The following CRYL1 variants were observed in gnomAD, a reference collection of about 807,000 sequenced individuals.
CRYL1 encodes the protein lambda-crystallin homolog.
CRYL1 carries 29 observed loss-of-function variants against 36.6 expected under a neutral mutation model. That is an observed-to-expected ratio of 0.79 (90% CI 0.59 to 1.08). The LOEUF is 1.08. CRYL1 is among the 50% of genes least tolerant of loss of function. CRYL1 has a pLI of 0.00. For missense variants in CRYL1, 411 were observed against 407.9 expected (o/e 1.01, Z -0.06); for synonymous variants, 152 against 151.5 (o/e 1.00, Z -0.02).
chr13:20,479,879 G>C (rs552848319), intron 3 of CRYL1, among the ~76,000 whole-genome samples: 85 of 152,332 alleles, frequency 5.6e-4, no homozygotes, highest in African/African-American at 1.9e-3. Flanking sequence ...AGACAGGGAT[G>C]CTGGGGCTGC....
At chr13:20,483,371 G>A (rs997624820) in intron 3 of CRYL1, among the ~76,000 whole-genome samples, 8 of 151,552 alleles carry the variant, frequency 5.3e-5, no homozygotes, top group Admixed American at 5.3e-4. Flanking sequence ...ACTCTGTCGC[G>A]CAGGCTGGAG....
rs1195461658 is a variant in CRYL1, at chr13:20,470,923, AAAAC to A, written c.276+18443_276+18446del. On this transcript the variant is annotated intron_variant, in intron 3 of 7. Transcript: ENST00000298248. ...AAAACTCCATCTCAAAAAAAAAAAA[AAAAC>A]AAAAAAAAAAACCCATGACACACAT... Among the ~76,000 whole-genome samples the A allele has an allele frequency of 6.0e-5, 9 of 150,440 alleles. 1 individual carries two copies. The highest frequency in any genetic ancestry group is 2.2e-4 in the African/African-American group (9 of 40,476).
chr13:20,410,855 C>G (rs1275276856), intron 6 of CRYL1, among the ~76,000 whole-genome samples: 1 of 152,192 alleles, frequency 6.6e-6, no homozygotes, highest in Non-Finnish European at 1.5e-5. Context: ...CAAGGTTATA[C>G]AGCCAGTAGG....
chr13:20,514,643 G>A (rs2033969307), intron 1 of CRYL1, among the ~76,000 whole-genome samples: 1 of 152,086 alleles, frequency 6.6e-6, no homozygotes, highest in African/African-American at 2.4e-5. Context: ...TGTTGGTCAT[G>A]AATAGCCAAT....
At chr13:20,472,274 C>T (rs1026189966) in intron 3 of CRYL1, among the ~76,000 whole-genome samples, 5 of 152,262 alleles carry the variant, frequency 3.3e-5, no homozygotes, top group African/African-American at 1.2e-4. Flanking sequence ...AGTGTAAATG[C>T]TATGTATATA....
intron 3 of CRYL1, among the ~76,000 whole-genome samples, chr13:20,449,669 G>C (rs974294747): frequency 4.0e-5 from 6 of 151,854 alleles, no homozygotes; most frequent in Admixed American, 3.3e-4. Flanking sequence ...ATTCACTGAT[G>C]ATATTCTTCT....
chr13:20,509,699 G>A (rs1432810357), intron 2 of CRYL1, among the ~76,000 whole-genome samples: 3 of 152,048 alleles, frequency 2.0e-5, no homozygotes, highest in Non-Finnish European at 4.4e-5. Context: ...AGGCCGAGGC[G>A]GGTGGATCAC....
At chr13:20,458,276 C>T (rs1209665661) in intron 3 of CRYL1, among the ~76,000 whole-genome samples, 1 of 152,154 alleles carries the variant, frequency 6.6e-6, no homozygotes, top group African/African-American at 2.4e-5. Flanking sequence ...CCACAATAGA[C>T]TTCTCTGGGC....
chr13:20,474,020 A>G (rs1321227590), intron 3 of CRYL1, among the ~76,000 whole-genome samples: 2 of 152,102 alleles, frequency 1.3e-5, no homozygotes, highest in East Asian at 3.8e-4. Context: ...TTCTCTGAAG[A>G]AGGGGATTCC....
At chr13:20,457,878 G>A (rs1278852154) in intron 3 of CRYL1, among the ~76,000 whole-genome samples, 5 of 152,164 alleles carry the variant, frequency 3.3e-5, no homozygotes, top group Admixed American at 2.0e-4. Context: ...AGGGTGAAAC[G>A]GAAGCACAGA....
rs1480263935 is a variant in CRYL1 at position 20,435,539 on chromosome 13, G to A, written c.439-3243C>T. Among the ~76,000 whole-genome samples the A allele has an allele frequency of 1.3e-5, 2 of 152,208 alleles. No individual in the cohort carries two copies. The highest frequency in any genetic ancestry group is 2.4e-5 in the African/African-American group (1 of 41,464). ...AGAGGTCAATCTTGTCAATAAGGTC[G>A]GGTGCCCCTTGAATTTACCACAGTA... On this transcript the variant is annotated intron_variant, in intron 4 of 7. Transcript: ENST00000298248. The surrounding 1 kb of genome is among the most constrained non-coding windows in gnomAD (Gnocchi z 4.0).
Position 20,525,590 on chromosome 13 carries a change from GC to G in CRYL1, c.41+163del, listed in dbSNP as rs2034176453. On this transcript the variant is annotated intron_variant, in intron 1 of 7. Coordinates refer to ENST00000298248, the MANE Select transcript of CRYL1 (RefSeq NM_015974.3). This position sits in a 1 kb window ranked among gnomAD's most constrained non-coding sequence, Gnocchi z 4.3. Reference sequence around the variant, plus strand: ...CCCCTCCAGCCGCGCCTCTCCCCGAGCCCGCCAGCGCCGTAGGGGCCGCAGG... The same window carrying G: ...CCCCTCCAGCCGCGCCTCTCCCCGAGCCGCCAGCGCCGTAGGGGCCGCAGG... Among the ~76,000 whole-genome samples, 1 of 152,096 alleles carries G rather than the reference GC, an allele frequency of 6.6e-6. No individual in the cohort carries two copies.
At chr13:20,524,059 A>C (rs2137527713) in intron 1 of CRYL1, among the ~76,000 whole-genome samples, 1 of 152,302 alleles carries the variant, frequency 6.6e-6, no homozygotes, top group East Asian at 1.9e-4. Context: ...AAGACCAACC[A>C]GGGCAAGATG....
chr13:20,424,259 A>G lies in CRYL1; in HGVS notation c.633+7843T>C, dbSNP rs2031884807. 2.0e-5 allele frequency among the ~76,000 whole-genome samples: 3 copies of G among 152,208 alleles called. No homozygotes were observed. The South Asian group carries it at 6.2e-4, about 31-fold the overall frequency. ...CTGGTCCTAGCAACGTGGGTGATGT[A>G]TCCGCTCTAACGACCCTGCAGTCCC... On this transcript the variant is annotated intron_variant, in intron 5 of 7. Transcript: ENST00000298248.
chr13:20,445,004 C>T (rs2032424871), intron 3 of CRYL1, among the ~76,000 whole-genome samples: 1 of 152,174 alleles, frequency 6.6e-6, no homozygotes, highest in South Asian at 2.1e-4. Flanking sequence ...AGGAGTGAGC[C>T]TGTAACAAAT....
At chr13:20,431,676 A>T in intron 5 of CRYL1, 1 of 1,106,392 alleles carries the variant, frequency 9.0e-7, no homozygotes, top group Non-Finnish European at 1.1e-6. Context: ...CTTCTTCCTC[A>T]AGCTCTTGAA....
chr13:20,432,791 A>G (rs1244118556), intron 4 of CRYL1, among the ~76,000 whole-genome samples: 1 of 152,102 alleles, frequency 6.6e-6, no homozygotes, highest in Non-Finnish European at 1.5e-5. Context: ...GTCGAGGTGG[A>G]GGGATCACTT....
At chr13:20,505,255 G>A (rs1275100730) in intron 2 of CRYL1, among the ~76,000 whole-genome samples, 1 of 151,504 alleles carries the variant, frequency 6.6e-6, no homozygotes, top group African/African-American at 2.4e-5. Flanking sequence ...TACTCGGGAG[G>A]CTGAAGGAGG....
intron 2 of CRYL1, among the ~76,000 whole-genome samples, chr13:20,490,631 T>A (rs2033490740): frequency 1.5e-5 from 2 of 133,542 alleles, no homozygotes; most frequent in South Asian, 4.8e-4. Context: ...TTACTTTTTT[T>A]AAAATGAAAC....
Sources: gnomAD v4.1 joint callset for allele counts (sites outside exome capture counted in the v4.1 genomes callset) on GRCh38, gnomAD v4.1.1 for gene constraint, Gnocchi (gnomAD v3.1) non-coding constraint, MANE v1.5 for transcripts, NCBI Gene and HGNC (gene_info 2026-07-23, HGNC 2026-07-21) for gene names.